The following RAD51 variants were observed in gnomAD, a reference collection of about 807,000 sequenced individuals.
The protein encoded by RAD51 is RAD51 recombinase, also known as DNA repair protein RAD51 homolog 1.
RAD51 carries 14 observed loss-of-function variants against 41.5 expected under a neutral mutation model. The ratio of observed to expected loss-of-function variants is 0.34; its 90% confidence interval spans 0.22 to 0.53. RAD51 has a LOEUF of 0.53. RAD51 is among the 20% of genes least tolerant of loss of function. RAD51 has a pLI of 0.95. For synonymous variants in RAD51, 136 were observed against 148.6 expected, an observed-to-expected ratio of 0.92 and a Z score of 0.62; for missense variants, 234 against 422.0, an observed-to-expected ratio of 0.55 and a Z score of 3.90.
intron 5 of RAD51, among the ~76,000 whole-genome samples, chr15:40,717,688 A>G (rs1896057571): frequency 6.6e-6 from 1 of 152,046 alleles, no homozygotes; most frequent in Non-Finnish European, 1.5e-5. Flanking sequence ...CTATTGGAGT[A>G]AATATGTTTT....
intron 6 of RAD51, among the ~76,000 whole-genome samples, chr15:40,720,348 G>A (rs1896208627): frequency 6.6e-6 from 1 of 152,120 alleles, no homozygotes; most frequent in South Asian, 2.1e-4. Context: ...TCCCAAAAGT[G>A]CTGGGATTAC....
At chr15:40,716,508 G>A (rs1019499392) in intron 5 of RAD51, among the ~76,000 whole-genome samples, 15 of 152,080 alleles carry the variant, frequency 9.9e-5, no homozygotes, top group South Asian at 4.2e-4. Context: ...TGGGATTACA[G>A]GTGTGCACCA....
chr15:40,709,149 G>A, intron 5 of RAD51, 33 bp downstream of exon 5: 1 of 1,545,056 alleles, frequency 6.5e-7, no homozygotes. Flanking sequence ...AATCAAATAA[G>A]CAAGCATTAC....
chr15:40,702,345 C>T (rs774331656), intron 3 of RAD51, among the ~76,000 whole-genome samples: 2 of 152,034 alleles, frequency 1.3e-5, no homozygotes, highest in African/African-American at 2.4e-5. Context: ...TTTTGCCTTG[C>T]GAGATCTTGG....
chr15:40,701,470 G>A (rs1352522297), intron 3 of RAD51, among the ~76,000 whole-genome samples: 4 of 146,878 alleles, frequency 2.7e-5, no homozygotes, highest in African/African-American at 1.0e-4. Flanking sequence ...CACCTCCCAA[G>A]CTCAAGCGAT....
rs751900607 is a variant in RAD51, at chr15:40,707,150, A to ATTTTTT, written c.343+877_343+882dup. Among the ~76,000 whole-genome samples, 168 of 93,616 alleles carry ATTTTTT rather than the reference A, an allele frequency of 1.8e-3. 4 individuals are homozygous for ATTTTTT. The East Asian group carries it at 0.018, about 10-fold the overall frequency. The allele number at this position is 93,616 out of a possible 152,430, so 61.4% of individuals were successfully genotyped here. A position where few individuals can be genotyped will look rare whatever the true frequency, so the allele number is the denominator to read the frequency against. On this transcript the variant is annotated intron_variant, in intron 4 of 9. Coordinates refer to ENST00000267868, the MANE Select transcript of RAD51 (RefSeq NM_002875.5). ...ACTATGATCATTTACCACCTGGCTAATTTTTTTTTTTTTTTTTTTTTTTTT... is the reference window on the plus strand; with the variant it reads ...ACTATGATCATTTACCACCTGGCTAATTTTTTTTTTTTTTTTTTTTTTTTTTTTTTT...
intron 5 of RAD51, among the ~76,000 whole-genome samples, chr15:40,716,657 C>CTTTTTTT (rs34860677): frequency 1.0e-4 from 9 of 88,166 alleles, no homozygotes; most frequent in African/African-American, 3.8e-4. Flanking sequence ...CTCTCTACTT[C>CTTTTTTT]TTTTTTTTTT....
In RAD51 at chr15:40,706,159, A is replaced by G; in HGVS notation, c.226-18A>G. The G allele has an allele frequency of 1.9e-6, 3 of 1,570,836 alleles. No individual in the cohort carries two copies. The highest frequency in any genetic ancestry group is 2.6e-6 in the Non-Finnish European group (3 of 1,140,674). ...AGGAATATTATTTTGTTGATTTAAT[A>G]TTTCTTATTTTTCCCAGGCTGAGGC... On this transcript the variant is annotated intron_variant, in intron 3 of 9. Transcript: ENST00000267868.
In RAD51 at chr15:40,709,407, C is replaced by T. The variant is rs192636129; in HGVS notation, c.435+291C>T. Among the ~76,000 whole-genome samples, 51 of 133,208 alleles carry T rather than the reference C, an allele frequency of 3.8e-4. 1 individual carries two copies. The highest frequency in any genetic ancestry group is 7.0e-4 in the South Asian group (3 of 4,274). 87.4% of individuals were successfully genotyped at this position (133,208 alleles called of 152,430 possible). ...TTTTTTTTTTTTTGAGGCAGAATCTCGCTGTGTCGCCCAGGCTGAAGTACA... is the reference window on the plus strand; with the variant it reads ...TTTTTTTTTTTTTGAGGCAGAATCTTGCTGTGTCGCCCAGGCTGAAGTACA... On this transcript the variant is annotated intron_variant, in intron 5 of 9. Transcript: ENST00000267868.
intron 1 of RAD51, 27 bp from the exon 2 acceptor site, chr15:40,698,730 A>G: frequency 6.3e-7 from 1 of 1,586,890 alleles, no homozygotes; most frequent in Non-Finnish European, 8.7e-7. Context: ...TCTAGTGTTT[A>G]TACTGATAAG....
intron 3 of RAD51, among the ~76,000 whole-genome samples, chr15:40,702,805 A>G (rs1035021372): frequency 6.7e-6 from 1 of 148,212 alleles, no homozygotes; most frequent in East Asian, 2.0e-4. Context: ...GGCACTAGCC[A>G]CTGTGCCCAC....
chr15:40,731,415 G>C lies in RAD51; in HGVS notation c.*237G>C. The C allele has an allele frequency of 1.9e-6, 1 of 526,874 alleles. No homozygotes were observed. Among genetic ancestry groups the C allele is most frequent in the Non-Finnish European group, 3.3e-6 (1 of 298,860 alleles). 32.6% of individuals were successfully genotyped at this position (526,874 alleles called of 1,614,324 possible). On this transcript the variant is annotated 3_prime_UTR_variant, in exon 10 of 10. Coordinates refer to ENST00000267868, the MANE Select transcript of RAD51 (RefSeq NM_002875.5). Reference sequence around the variant, plus strand: ...GTATTAATCTCTGTGTGTTTTCTTTGGTTTTGGAGGAGGGGTATGAAGTAT... The same window carrying C: ...GTATTAATCTCTGTGTGTTTTCTTTCGTTTTGGAGGAGGGGTATGAAGTAT...
chr15:40,722,304 T>C (rs775190395), intron 6 of RAD51, among the ~76,000 whole-genome samples: 2 of 151,908 alleles, frequency 1.3e-5, no homozygotes, highest in Non-Finnish European at 2.9e-5. Context: ...TCCCAGCTAC[T>C]CTGGCGGCTG....
At chr15:40,704,618 C>T (rs1194376528) in intron 3 of RAD51, among the ~76,000 whole-genome samples, 1 of 150,726 alleles carries the variant, frequency 6.6e-6, no homozygotes, top group Non-Finnish European at 1.5e-5. Flanking sequence ...CCTCACCCTA[C>T]CAAAGTGCTG....
At chr15:40,700,721 A>T (rs557560408) in intron 2 of RAD51, among the ~76,000 whole-genome samples, 1 of 152,318 alleles carries the variant, frequency 6.6e-6, no homozygotes, top group South Asian at 2.1e-4. Flanking sequence ...ATATAATAAC[A>T]GTAGGCTCTC....
At chr15:40,723,835 C>T (rs1024900219) in intron 6 of RAD51, among the ~76,000 whole-genome samples, 5 of 152,064 alleles carry the variant, frequency 3.3e-5, no homozygotes, top group South Asian at 2.1e-4. Flanking sequence ...GAGTAAAGCT[C>T]GTGAAGAGTT....
chr15:40,698,160 A>G (rs1043857634), intron 1 of RAD51, among the ~76,000 whole-genome samples: 1 of 145,288 alleles, frequency 6.9e-6, no homozygotes, highest in South Asian at 2.2e-4. Flanking sequence ...CCACTGTTCT[A>G]TTTGTTCCTT....
intron 4 of RAD51, 127 bp from the exon 5 acceptor site, chr15:40,708,898 T>C: frequency 1.1e-6 from 1 of 869,752 alleles, no homozygotes; most frequent in Non-Finnish European, 1.9e-6. Context: ...TGAAAAATTA[T>C]CGCTTGTTGG....
intron 2 of RAD51, 22 bp from the exon 3 acceptor site, chr15:40,701,042 C>G (rs761214540): frequency 6.3e-7 from 1 of 1,599,198 alleles, no homozygotes; most frequent in African/African-American, 1.3e-5. Context: ...TTAAATTTAT[C>G]CATGGTTTTC....
Sources: allele counts gnomAD v4.1 joint callset (sites outside exome capture counted in the v4.1 genomes callset), GRCh38; gene constraint gnomAD v4.1.1; transcripts MANE v1.5; gene names NCBI Gene and HGNC (gene_info 2026-07-23, HGNC 2026-07-21).